The following LRRC4C variants were observed in gnomAD, a reference collection of about 807,000 sequenced individuals.
The protein encoded by LRRC4C is leucine rich repeat containing 4C, also known as leucine-rich repeat-containing protein 4C.
LRRC4C carries 5 observed loss-of-function variants against 33.6 expected under a neutral mutation model. That is an observed-to-expected ratio of 0.15 (90% CI 0.08 to 0.31). The LOEUF is 0.31. LRRC4C is among the 10% of genes least tolerant of loss of function. The probability of loss-of-function intolerance (pLI) is 1.00; values close to 1 mark genes in which losing one functional copy is unlikely to be tolerated. For synonymous variants in LRRC4C, 329 were observed against 302.0 expected (o/e 1.09, Z -0.93); for missense variants, 560 against 796.7 (o/e 0.70, Z 3.58).
chr11:40,410,096 C>T (rs1489501304), intron 3 of LRRC4C, among the ~76,000 whole-genome samples: 4 of 151,826 alleles, frequency 2.6e-5, no homozygotes, highest in South Asian at 2.1e-4. Context: ...CACACTACAA[C>T]GACAGAGTTG....
intron 5 of LRRC4C, among the ~76,000 whole-genome samples, chr11:40,155,210 T>C (rs189933460): frequency 3.3e-5 from 5 of 152,010 alleles, no homozygotes; most frequent in South Asian, 4.1e-4. Context: ...AGCAAAGGCG[T>C]TGGTAAGAGG....
intron 5 of LRRC4C, among the ~76,000 whole-genome samples, chr11:40,212,221 C>T (rs1863653251): frequency 6.6e-6 from 1 of 152,032 alleles, no homozygotes; most frequent in African/African-American, 2.4e-5. Flanking sequence ...CATCATTGTT[C>T]TTGTTGCAGT....
chr11:41,243,756 G>C (rs1224245709), intron 1 of LRRC4C, among the ~76,000 whole-genome samples: 1 of 152,116 alleles, frequency 6.6e-6, no homozygotes, highest in Non-Finnish European at 1.5e-5. Flanking sequence ...TTTTCTGAAA[G>C]AATTTGGAGA....
intron 1 of LRRC4C, among the ~76,000 whole-genome samples, chr11:41,421,615 C>G (rs1565660066): frequency 6.6e-6 from 1 of 151,966 alleles, no homozygotes; most frequent in Non-Finnish European, 1.5e-5. Flanking sequence ...AGTGAGATTT[C>G]TGGAGGGGAA....
rs552117187 is a variant in LRRC4C at position 40,394,920 on chromosome 11, G to A, written c.-269-75199C>T. ...AATATATTTCCTATCAACCTTGACG[G>A]CCTTAATGGTAATATTGAGACTTTA... On this transcript the variant is annotated intron_variant, in intron 3 of 6. Coordinates refer to ENST00000528697, the MANE Select transcript of LRRC4C (RefSeq NM_001258419.2). Among the ~76,000 whole-genome samples, 6 of 152,030 alleles carry A rather than the reference G, an allele frequency of 3.9e-5. No individual in the cohort carries two copies. In the South Asian group the frequency reaches 1.2e-3, roughly 32 times the overall value.
At chr11:40,208,830 A>T (rs1258492159) in intron 5 of LRRC4C, among the ~76,000 whole-genome samples, 1 of 152,128 alleles carries the variant, frequency 6.6e-6, no homozygotes, top group Non-Finnish European at 1.5e-5. Context: ...AATTGTTTAC[A>T]TTTCTTCCAA....
At chr11:40,488,340 CT>C (rs1217202893) in intron 3 of LRRC4C, among the ~76,000 whole-genome samples, 1 of 152,014 alleles carries the variant, frequency 6.6e-6, no homozygotes, top group East Asian at 1.9e-4. Flanking sequence ...TGCCTTGTAA[CT>C]TTGTAACTTA....
intron 1 of LRRC4C, among the ~76,000 whole-genome samples, chr11:41,415,505 T>G (rs1954643496): frequency 6.6e-6 from 1 of 152,164 alleles, no homozygotes; most frequent in Non-Finnish European, 1.5e-5. Flanking sequence ...GGAAAATGAT[T>G]TAATCTAATT....
chr11:40,415,610 G>A (rs1172499864), intron 3 of LRRC4C, among the ~76,000 whole-genome samples: 1 of 152,126 alleles, frequency 6.6e-6, no homozygotes, highest in African/African-American at 2.4e-5. Flanking sequence ...CACTTTGAAT[G>A]TAGAAAAAGG....
At chr11:41,217,822 C>T (rs1213154388) in intron 1 of LRRC4C, among the ~76,000 whole-genome samples, 1 of 152,090 alleles carries the variant, frequency 6.6e-6, no homozygotes, top group Admixed American at 6.6e-5. Context: ...CAATATTGCA[C>T]TTCTACCCTG....
At chr11:40,320,301 C>T (rs916622997) in intron 3 of LRRC4C, among the ~76,000 whole-genome samples, 5 of 152,138 alleles carry the variant, frequency 3.3e-5, no homozygotes, top group Admixed American at 2.0e-4. Flanking sequence ...GTCAGGAGAT[C>T]GAGACCATCC....
At chr11:41,209,411 C>T (rs115700129) in intron 1 of LRRC4C, among the ~76,000 whole-genome samples, 3,707 of 151,608 alleles carry the variant, frequency 0.024, 87 homozygotes, top group African/African-American at 0.061. Flanking sequence ...GCACAAAACC[C>T]GTAGTTTCAC....
At chr11:41,241,637 G>T (rs569590670) in intron 1 of LRRC4C, among the ~76,000 whole-genome samples, 126 of 152,244 alleles carry the variant, frequency 8.3e-4, no homozygotes, top group African/African-American at 2.9e-3. Flanking sequence ...ATCATCATAG[G>T]AGATAATGAT....
At chr11:40,823,759 T>G (rs1952041214) in intron 2 of LRRC4C, among the ~76,000 whole-genome samples, 2 of 151,824 alleles carry the variant, frequency 1.3e-5, no homozygotes, top group Admixed American at 1.3e-4. Context: ...GTAAAGCTCC[T>G]TTAGAAAGTA....
intron 2 of LRRC4C, among the ~76,000 whole-genome samples, chr11:40,656,282 T>A (rs932902238): frequency 6.6e-6 from 1 of 151,816 alleles, no homozygotes; most frequent in Admixed American, 6.6e-5. Flanking sequence ...TATTCTCCCA[T>A]TCTTGTTTTC....
intron 1 of LRRC4C, among the ~76,000 whole-genome samples, chr11:41,181,233 C>G (rs1221224032): frequency 6.6e-6 from 1 of 152,150 alleles, no homozygotes; most frequent in Non-Finnish European, 1.5e-5. Flanking sequence ...TTCTCCCCCA[C>G]AGCCACTTAC....
intron 3 of LRRC4C, among the ~76,000 whole-genome samples, chr11:40,551,783 G>C (rs1050116049): frequency 2.6e-5 from 4 of 152,198 alleles, no homozygotes; most frequent in African/African-American, 9.7e-5. Flanking sequence ...GCTTTTGAGA[G>C]TATTCAACTC....
chr11:40,795,224 G>A (rs1950776785), intron 2 of LRRC4C, among the ~76,000 whole-genome samples: 1 of 152,114 alleles, frequency 6.6e-6, no homozygotes, highest in African/African-American at 2.4e-5. Context: ...ATCCATATAT[G>A]CTACCATTAG....
intron 2 of LRRC4C, among the ~76,000 whole-genome samples, chr11:40,654,541 G>A (rs1942997469): frequency 1.3e-5 from 2 of 152,128 alleles, no homozygotes. Context: ...TTTTGAATGG[G>A]TGTATTTACT....
Sources: gnomAD v4.1 joint callset for allele counts (sites outside exome capture counted in the v4.1 genomes callset) on GRCh38, gnomAD v4.1.1 for gene constraint, MANE v1.5 for transcripts, NCBI Gene and HGNC (gene_info 2026-07-23, HGNC 2026-07-21) for gene names.